Variants in NID1 observed in about 807,000 individuals in gnomAD.
NID1 encodes nidogen 1, also known as nidogen-1.
NID1 carries 76 observed loss-of-function variants against 130.6 expected under a neutral mutation model. The observed-to-expected ratio is 0.58, with a 90% CI of 0.48 to 0.70. NID1 has a LOEUF of 0.70. Among genes scored for constraint, NID1 ranks in the 30% least tolerant of loss-of-function variants. The pLI is 0.00. For missense variants in NID1, 1,517 were observed against 1,664.8 expected (o/e 0.91, Z 1.54); for synonymous variants, 665 against 675.1 (o/e 0.98, Z 0.23).
At chr1:236,041,879 T>C (rs1659462454) in intron 4 of NID1, 31 bp downstream of exon 4, 2 of 1,576,000 alleles carry the variant, frequency 1.3e-6, no homozygotes, top group African/African-American at 2.7e-5. Context: ...ACATCCAAGA[T>C]CGTTACCAAC....
intron 12 of NID1, among the ~76,000 whole-genome samples, chr1:235,995,253 T>C (rs1253389628): frequency 6.6e-6 from 1 of 152,258 alleles, no homozygotes; most frequent in Non-Finnish European, 1.5e-5. Flanking sequence ...GTTCACATTG[T>C]ACTAGGTATT....
intron 14 of NID1, among the ~76,000 whole-genome samples, chr1:235,987,269 C>A (rs528164357): frequency 6.6e-6 from 1 of 152,214 alleles, no homozygotes; most frequent in Middle Eastern, 3.2e-3. Context: ...AGAAAGAACA[C>A]TGAGTTGCTT....
intron 4 of NID1, among the ~76,000 whole-genome samples, chr1:236,040,379 G>T (rs1659415449): frequency 6.6e-6 from 1 of 152,164 alleles, no homozygotes; most frequent in Non-Finnish European, 1.5e-5. Context: ...CAGCCAGTAA[G>T]CACCCCATCT....
chr1:236,048,196 G>A (rs1050350193), intron 2 of NID1, among the ~76,000 whole-genome samples: 8 of 151,734 alleles, frequency 5.3e-5, no homozygotes, highest in South Asian at 2.1e-4. Context: ...CCAGCCGGGC[G>A]TGGTGGTGGT....
chr1:236,041,787 T>A, intron 4 of NID1, 123 bp downstream of exon 4: 1 of 1,276,222 alleles, frequency 7.8e-7, no homozygotes, highest in Non-Finnish European at 1.1e-6. Context: ...GCCTCTACTT[T>A]CCCAAGCTCT....
chr1:236,045,386 T>TGG (rs1659570441), intron 3 of NID1, 71 bp downstream of exon 3: 6 of 1,105,852 alleles, frequency 5.4e-6, no homozygotes, highest in Non-Finnish European at 5.4e-6. Context: ...TAATGATCTA[T>TGG]AATACACATT....
intron 14 of NID1, among the ~76,000 whole-genome samples, chr1:235,988,414 C>T (rs1393724706): frequency 6.6e-6 from 1 of 152,192 alleles, no homozygotes; most frequent in Non-Finnish European, 1.5e-5. Context: ...GTTTAAACCC[C>T]TGTGCTCTGC....
At position 236,008,140 on chromosome 1, in the gene NID1, A is replaced by G. The variant is rs375541087; in HGVS notation, c.2527+3781T>C. ...TACTACATATATTCTCCTCACTCTG[A>G]TATTTTCTAGATTATTGTTTGCTAT... On this transcript the variant is annotated intron_variant, in intron 12 of 19. Transcript: ENST00000264187. Among the ~76,000 whole-genome samples the G allele has an allele frequency of 1.1e-3, 163 of 152,346 alleles. 1 individual carries two copies. The South Asian group carries it at 0.024, about 23-fold the overall frequency.
At chr1:236,024,033 T>G (rs1658849692) in intron 9 of NID1, 37 bp downstream of exon 9, 1 of 1,609,546 alleles carries the variant, frequency 6.2e-7, no homozygotes, top group South Asian at 1.1e-5. Flanking sequence ...CCTCGCCTGA[T>G]TTCCCAGCCC....
At chr1:236,017,032 T>C (rs1658613719) in intron 10 of NID1, 116 bp downstream of exon 10, 1 of 1,354,342 alleles carries the variant, frequency 7.4e-7, no homozygotes, top group East Asian at 2.3e-5. Context: ...TATAAATTGC[T>C]CTTCCCAGCA....
At chr1:236,043,558 G>C (rs1033028769) in intron 3 of NID1, among the ~76,000 whole-genome samples, 16 of 152,150 alleles carry the variant, frequency 1.1e-4, no homozygotes, top group South Asian at 1.0e-3. Flanking sequence ...CAGCACTTTG[G>C]GGGGCTGAGG....
chr1:235,989,264 C>T (rs893199254), intron 14 of NID1, among the ~76,000 whole-genome samples: 2 of 151,912 alleles, frequency 1.3e-5, no homozygotes, highest in Admixed American at 1.3e-4. Flanking sequence ...TCCATGTTGC[C>T]CAGGCTGTAA....
At chr1:236,022,340 A>AT (rs112406762) in intron 9 of NID1, among the ~76,000 whole-genome samples, 40,125 of 137,126 alleles carry the variant, frequency 0.29, 8,008 homozygotes, top group East Asian at 0.68. Flanking sequence ...GATGGCCCCT[A>AT]TTTTTTTTTT....
At chr1:236,027,269 G>T (rs1368074004) in intron 7 of NID1, among the ~76,000 whole-genome samples, 1 of 151,968 alleles carries the variant, frequency 6.6e-6, no homozygotes, top group South Asian at 2.1e-4. Context: ...AAGCATAAAA[G>T]ACTCTTTATA....
At chr1:235,992,362 G>A (rs953929820) in intron 13 of NID1, among the ~76,000 whole-genome samples, 4 of 152,124 alleles carry the variant, frequency 2.6e-5, no homozygotes, top group South Asian at 4.2e-4. Flanking sequence ...ACCTCCCCCC[G>A]CCAGGGACTG....
chr1:236,026,215 A>C, intron 7 of NID1, 74 bp from the exon 8 acceptor site: 1 of 1,577,264 alleles, frequency 6.3e-7, no homozygotes, highest in African/African-American at 1.3e-5. Context: ...AAGAAGCTGA[A>C]TCAACGGCTT....
At chr1:236,044,451 T>C (rs2102842173) in intron 3 of NID1, among the ~76,000 whole-genome samples, 1 of 152,350 alleles carries the variant, frequency 6.6e-6, no homozygotes, top group South Asian at 2.1e-4. Flanking sequence ...TATATAATGG[T>C]GCATGTTTTC....
chr1:235,991,329 G>T (rs968342801), intron 13 of NID1, among the ~76,000 whole-genome samples: 3 of 152,076 alleles, frequency 2.0e-5, no homozygotes, highest in Non-Finnish European at 4.4e-5. Flanking sequence ...AAAAAAAATG[G>T]CTTGGCCTCC....
At chr1:236,064,049 C>T (rs995542303) in intron 1 of NID1, among the ~76,000 whole-genome samples, 3 of 152,210 alleles carry the variant, frequency 2.0e-5, no homozygotes, top group Non-Finnish European at 4.4e-5. Flanking sequence ...CCCCCTTCCC[C>T]CGGCCAACCC....
Sources: gnomAD v4.1 joint callset for allele counts (sites outside exome capture counted in the v4.1 genomes callset) on GRCh38, gnomAD v4.1.1 for gene constraint, MANE v1.5 for transcripts, NCBI Gene and HGNC (gene_info 2026-07-23, HGNC 2026-07-21) for gene names.